Variants in TREML2 observed in about 807,000 individuals in gnomAD.
TREML2 encodes the protein trem-like transcript 2 protein.
TREML2 carries 24 observed loss-of-function variants against 25.9 expected under a neutral mutation model. That is an observed-to-expected ratio of 0.93 (90% CI 0.67 to 1.30). The LOEUF is 1.30. TREML2 is among the 50% of genes most tolerant of loss of function. TREML2 has a pLI of 0.00. For synonymous variants in TREML2, 139 were observed against 155.2 expected (o/e 0.90, Z 0.77); for missense variants, 359 against 395.6 (o/e 0.91, Z 0.78).
rs1179546033 is a variant in TREML2, at chr6:41,191,169, C to CTGTGTGTGTGTGTGTGTG, written c.*1240_*1257dup. The CTGTGTGTGTGTGTGTGTG allele has an allele frequency of 2.6e-5, 3 of 117,328 alleles. No individual in the cohort carries two copies. Among genetic ancestry groups the CTGTGTGTGTGTGTGTGTG allele is most frequent in the East Asian group, 5.4e-4 (2 of 3,708 alleles). The allele number at this position is 117,328 out of a possible 1,614,324, so 7.3% of individuals were successfully genotyped here. ...CCAGTCACTCCAGGTCAGTAGACACCTGTGTGTGTGTGTGTGTGTGTGTGT... is the reference window on the plus strand; with the variant it reads ...CCAGTCACTCCAGGTCAGTAGACACCTGTGTGTGTGTGTGTGTGTGTGTGTGTGTGTGTGTGTGTGTGT... On this transcript the variant is annotated 3_prime_UTR_variant, in exon 5 of 5. Coordinates refer to ENST00000483722, the MANE Select transcript of TREML2 (RefSeq NM_024807.4).
At chr6:41,193,425 G>A (rs1766102231) in intron 3 of TREML2, among the ~76,000 whole-genome samples, 1 of 152,084 alleles carries the variant, frequency 6.6e-6, no homozygotes. Flanking sequence ...ATAACCAATT[G>A]GAGTTGGTGT....
At chr6:41,192,572 C>A (rs889019129) in intron 4 of TREML2, 66 bp from the exon 5 acceptor site, 16 of 1,455,282 alleles carry the variant, frequency 1.1e-5, no homozygotes, top group Non-Finnish European at 1.4e-5. Flanking sequence ...TGCTCCTCCA[C>A]CAGCCCCAGC....
intron 2 of TREML2, among the ~76,000 whole-genome samples, 173 bp from the exon 3 acceptor site, chr6:41,195,006 T>C (rs1766135681): frequency 6.6e-6 from 1 of 152,050 alleles, no homozygotes; most frequent in Non-Finnish European, 1.5e-5. Flanking sequence ...GTGTATTTGT[T>C]CAGAAAGTGA....
Position 41,190,335 on chromosome 6 carries a change from G to A in TREML2, c.*2092C>T, listed in dbSNP as rs1051361441. ...AAAAGAGGACCTTACCAAAGGGACTGTCATCGGGGGCCCTCAACATCCATA... is the reference window on the plus strand; with the variant it reads ...AAAAGAGGACCTTACCAAAGGGACTATCATCGGGGGCCCTCAACATCCATA... On this transcript the variant is annotated 3_prime_UTR_variant, in exon 5 of 5. Coordinates refer to ENST00000483722, the MANE Select transcript of TREML2 (RefSeq NM_024807.4). The A allele has an allele frequency of 2.6e-5, 4 of 152,304 alleles. No individual in the cohort carries two copies. The highest frequency in any genetic ancestry group is 2.1e-4 in the South Asian group (1 of 4,820). The allele number at this position is 152,304 out of a possible 1,614,324, so 9.4% of individuals were successfully genotyped here.
At chr6:41,192,704 G>C in intron 4 of TREML2, 97 bp downstream of exon 4, 1 of 1,265,462 alleles carries the variant, frequency 7.9e-7, no homozygotes. Context: ...CTGGACACAG[G>C]CCAAGGGCCA....
chr6:41,192,664 C>T, intron 4 of TREML2, 137 bp downstream of exon 4: 3 of 1,129,118 alleles, frequency 2.7e-6, no homozygotes, highest in Non-Finnish European at 3.9e-6. Context: ...CCGCCCTCCT[C>T]CCCAGGTGGA....
Position 41,194,614 on chromosome 6 carries a change from C to G in TREML2, c.596G>C (p.Ser199Thr), listed in dbSNP as rs1197688344. ...CCCCATGGTCCTCCTGGGTCCCTGG[C>G]TGGTGGTGCTGGTAGCAGTGAAGCT... is the stretch of plus-strand genomic sequence containing the variant. Reference protein sequence around the residue: ...GYSFTATSTTSQGPRRTMGSQ... With the variant: ...GYSFTATSTTTQGPRRTMGSQ... The change falls in exon 3 of 5, where the codon AGC (serine) becomes ACC (threonine). Residue 199 changes from serine to threonine, a missense_variant. Physicochemically the swap from Ser to Thr is moderately conservative, Grantham distance 58 (BLOSUM62 1). Transcript: ENST00000483722. 12 of 1,613,924 alleles carry G rather than the reference C, an allele frequency of 7.4e-6. No homozygotes were observed. The South Asian group carries it at 1.1e-4, about 15-fold the overall frequency.
intron 3 of TREML2, 70 bp from the exon 4 acceptor site, chr6:41,192,971 G>T: frequency 7.6e-7 from 1 of 1,312,694 alleles, no homozygotes; most frequent in Non-Finnish European, 1.0e-6. Context: ...GTTGGGATCG[G>T]ACCAGCAGCA....
rs745956797 is a variant in TREML2, at chr6:41,194,587, G to A, written c.623C>T (p.Ser208Phe). The A allele has an allele frequency of 3.1e-6, 5 of 1,613,988 alleles. No individual in the cohort carries two copies. Among genetic ancestry groups the A allele is most frequent in the African/African-American group, 1.3e-5 (1 of 74,900 alleles). The stretch of plus-strand genomic sequence containing the variant: ...GCTGGGAGACGCGGTCACTGTCTGG[G>A]ACCCCATGGTCCTCCTGGGTCCCTG... ...TSQGPRRTMGSQTVTASPSNA... is the reference protein window; with the variant it reads ...TSQGPRRTMGFQTVTASPSNA... The change falls in exon 3 of 5, where the codon TCC becomes TTC. Residue 208 changes from serine to phenylalanine, a missense_variant. Transcript: ENST00000483722.
chr6:41,197,124 GC>G (rs1283158522), intron 2 of TREML2, among the ~76,000 whole-genome samples: 2 of 152,132 alleles, frequency 1.3e-5, no homozygotes, highest in African/African-American at 4.8e-5. Flanking sequence ...ATAGATTTGA[GC>G]CCATTCACAT....
Position 41,192,251 on chromosome 6 carries a change from A to T in TREML2, c.*176T>A. On this transcript the variant is annotated 3_prime_UTR_variant, in exon 5 of 5. Transcript: ENST00000483722. ...CCAGGTTCCTGCCCCCAAGGAGAAC[A>T]CTGGGCTGTGGGGCTGCTTAGGATG... is the stretch of plus-strand genomic sequence containing the variant. 1 of 616,986 alleles carries T rather than the reference A, an allele frequency of 1.6e-6. No individual in the cohort carries two copies. The highest frequency in any genetic ancestry group is 2.9e-6 in the Non-Finnish European group (1 of 341,620). 38.2% of individuals were successfully genotyped at this position (616,986 alleles called of 1,614,324 possible). A position where few individuals can be genotyped will look rare whatever the true frequency, so the allele number is the denominator to read the frequency against.
Position 41,194,694 on chromosome 6 carries a change from G to A in TREML2, c.516C>T (p.Leu172=), listed in dbSNP as rs750874759. The A allele has an allele frequency of 9.9e-6, 16 of 1,613,976 alleles. No individual in the cohort carries two copies. Among genetic ancestry groups the A allele is most frequent in the Non-Finnish European group, 1.4e-5 (16 of 1,179,982 alleles). Reference sequence around the variant, plus strand: ...AGGCTAAGAGCCTAGGCAAGGTGATGAGTCCTGGGGTGAACACCATCACAC... The same window carrying A: ...AGGCTAAGAGCCTAGGCAAGGTGATAAGTCCTGGGGTGAACACCATCACAC... ...TTGVMVFTPG[L]ITLPRLLAST... is the part of the protein sequence containing the mutation. Residue 172 remains leucine, a synonymous_variant, in exon 3 of 5, where the codon CTC becomes CTT. Coordinates refer to ENST00000483722, the MANE Select transcript of TREML2 (RefSeq NM_024807.4).
In TREML2 at chr6:41,192,340, A is replaced by AGATC; in HGVS notation, c.*83_*86dup. The AGATC allele has an allele frequency of 9.3e-7, 1 of 1,070,824 alleles. No homozygotes were observed. Among genetic ancestry groups the AGATC allele is most frequent in the East Asian group, 2.5e-5 (1 of 40,322 alleles). 66.3% of individuals were successfully genotyped at this position (1,070,824 alleles called of 1,614,324 possible). On this transcript the variant is annotated 3_prime_UTR_variant, in exon 5 of 5. Transcript: ENST00000483722. ...ACTGCACAAGTCCTCCAGCTTCATA[A>AGATC]GATCGATACTGGCCCCAATCTTCAC...
chr6:41,193,693 G>T (rs558643754), intron 3 of TREML2, among the ~76,000 whole-genome samples: 3 of 151,284 alleles, frequency 2.0e-5, no homozygotes, highest in Non-Finnish European at 4.4e-5. Context: ...TCCATGAGGC[G>T]CATCCTTGCC....
chr6:41,198,372 GA>G lies in TREML2; in HGVS notation c.112del (p.Ser38LeufsTer35), dbSNP rs1310084615. On this transcript the variant is annotated frameshift_variant, in exon 2 of 5. Coordinates refer to ENST00000483722, the MANE Select transcript of TREML2 (RefSeq NM_024807.4). LOFTEE classifies it high-confidence loss of function. ...KVRLLEGETL[S>X]VQCSYKGYKN... ...GTAGCCCTTATAGGAGCACTGCACAGACAGAGTCTCCCCTTCAAGGAGCCTC... is the reference window on the plus strand; with the variant it reads ...GTAGCCCTTATAGGAGCACTGCACAGCAGAGTCTCCCCTTCAAGGAGCCTC... The G allele has an allele frequency of 5.6e-6, 9 of 1,614,082 alleles. No individual in the cohort carries two copies. Among genetic ancestry groups the G allele is most frequent in the Non-Finnish European group, 7.6e-6 (9 of 1,180,028 alleles).
rs1260925158 is a variant in TREML2 at position 41,194,497 on chromosome 6, C to T, written c.713G>A (p.Arg238Lys). The change falls in exon 3 of 5, where the codon AGA becomes AAA. Residue 238 changes from arginine (R) to lysine (K), a missense_variant. Arg to Lys is a conservative substitution (Grantham distance 26, BLOSUM62 2). Transcript: ENST00000483722. ...GAGGCAGAGCCCTGTGGTGGGCGAT[C>T]TGGTGCTGAGGTCCCCAGACTTAGT... ...ISTKSGDLST[R>K]SPTTGLCLTS... 2 of 1,613,112 alleles carry T rather than the reference C, an allele frequency of 1.2e-6. No homozygotes were observed. The highest frequency in any genetic ancestry group is 2.2e-5 in the East Asian group (1 of 44,832).
In TREML2 at chr6:41,198,348, T is replaced by C. The variant is rs745667653; in HGVS notation, c.137A>G (p.Tyr46Cys). Residue 46 changes from tyrosine to cysteine, a missense_variant, in exon 2 of 5, where the codon TAC (tyrosine) becomes TGC (cysteine). Physicochemically the swap from Tyr to Cys is radical, Grantham distance 194. Coordinates refer to ENST00000483722, the MANE Select transcript of TREML2 (RefSeq NM_024807.4). ...AACCTTGCCCTCCACGCGGTTTTTG[T>C]AGCCCTTATAGGAGCACTGCACAGA... ...TLSVQCSYKGYKNRVEGKVWC... is the reference protein window; with the variant it reads ...TLSVQCSYKGCKNRVEGKVWC... 10 of 1,614,136 alleles carry C rather than the reference T, an allele frequency of 6.2e-6. No individual in the cohort carries two copies. The highest frequency in any genetic ancestry group is 5.0e-5 in the Admixed American group (3 of 60,006).
At position 41,192,173 on chromosome 6, in the gene TREML2, G is replaced by A. The variant is rs908067027; in HGVS notation, c.*254C>T. On this transcript the variant is annotated 3_prime_UTR_variant, in exon 5 of 5. Coordinates refer to ENST00000483722, the MANE Select transcript of TREML2 (RefSeq NM_024807.4). ...TCTGCAGCTCCGAGCAGAAACCACT[G>A]GTCACATTTCCTCGGGACTTTCTCC... The A allele has an allele frequency of 2.0e-6, 1 of 504,866 alleles. No individual in the cohort carries two copies. The allele number at this position is 504,866 out of a possible 1,614,324, so 31.3% of individuals were successfully genotyped here.
In TREML2 at chr6:41,189,934, C is replaced by T. The variant is rs1235386013; in HGVS notation, c.*2493G>A. On this transcript the variant is annotated 3_prime_UTR_variant, in exon 5 of 5. Coordinates refer to ENST00000483722, the MANE Select transcript of TREML2 (RefSeq NM_024807.4). ...AGCTCCCTGCTGTCCTTCTAATGTA[C>T]ATGTGGGCCCTTGGCTTGAGTTACT... is the stretch of plus-strand genomic sequence containing the variant. Among the ~76,000 whole-genome samples the T allele has an allele frequency of 6.6e-6, 1 of 152,188 alleles. No individual in the cohort carries two copies. Among genetic ancestry groups the T allele is most frequent in the African/African-American group, 2.4e-5 (1 of 41,442 alleles).
Sources: allele counts gnomAD v4.1 joint callset (sites outside exome capture counted in the v4.1 genomes callset), GRCh38; gene constraint gnomAD v4.1.1; transcripts MANE v1.5; gene names NCBI Gene and HGNC (gene_info 2026-07-23, HGNC 2026-07-21).